Variants in SLC44A5 observed in about 807,000 individuals in gnomAD.
The protein encoded by SLC44A5 is solute carrier family 44 member 5.
SLC44A5 carries 57 observed loss-of-function variants against 101.8 expected under a neutral mutation model. That is an observed-to-expected ratio of 0.56 (90% confidence interval 0.45 to 0.70). The LOEUF (loss-of-function observed/expected upper bound fraction) is 0.70. Ranked by LOEUF, SLC44A5 falls within the 30% of genes least tolerant of loss-of-function variation. The probability of loss-of-function intolerance (pLI) is 0.00; values close to 1 mark genes in which losing one functional copy is unlikely to be tolerated. For missense variants in SLC44A5, 737 were observed against 853.1 expected, an observed-to-expected ratio of 0.86 and a Z score of 1.70; for synonymous variants, 281 against 290.9, an observed-to-expected ratio of 0.97 and a Z score of 0.35.
At chr1:75,632,837 C>A in the SLC44A5 span, among the ~76,000 whole-genome samples, 6 of 152,196 alleles carry the variant, frequency 3.9e-5, no homozygotes, top group African/African-American at 9.6e-5. Context: ...AAAATAAAAA[C>A]AACAATAATA....
chr1:75,421,916 C>T (rs901552477), intron 2 of SLC44A5, among the ~76,000 whole-genome samples: 4 of 150,604 alleles, frequency 2.7e-5, no homozygotes, highest in African/African-American at 9.8e-5. Flanking sequence ...GAAGTGTGGT[C>T]CATATATCAA....
At chr1:75,542,188 A>T (rs990852969) in intron 1 of SLC44A5, among the ~76,000 whole-genome samples, 40 of 152,188 alleles carry the variant, frequency 2.6e-4, no homozygotes, top group Non-Finnish European at 4.9e-4. Context: ...ATAATTTCAG[A>T]CTTACAGAAA....
intron 4 of SLC44A5, among the ~76,000 whole-genome samples, chr1:75,338,705 G>GT (rs564662406): frequency 7.8e-4 from 118 of 152,188 alleles, no homozygotes; most frequent in Non-Finnish European, 1.4e-3. Flanking sequence ...CAAATGACTT[G>GT]TTTTTTTACA....
the SLC44A5 span, among the ~76,000 whole-genome samples, chr1:75,692,996 T>A: frequency 6.6e-6 from 1 of 152,084 alleles, no homozygotes; most frequent in African/African-American, 2.4e-5. Flanking sequence ...AAAGGAATGA[T>A]TATAGTAATG....
chr1:75,702,660 G>A, the SLC44A5 span, among the ~76,000 whole-genome samples: 1 of 152,074 alleles, frequency 6.6e-6, no homozygotes, highest in Admixed American at 6.6e-5. Context: ...TTGACAAATG[G>A]GATCTAATTA....
At chr1:75,455,557 C>T (rs1666139691) in intron 2 of SLC44A5, among the ~76,000 whole-genome samples, 1 of 152,026 alleles carries the variant, frequency 6.6e-6, no homozygotes, top group Admixed American at 6.6e-5. Flanking sequence ...CCAAAAGATA[C>T]TATCAACAAG....
chr1:75,297,771 T>C (rs1654081050), intron 5 of SLC44A5, among the ~76,000 whole-genome samples: 1 of 152,228 alleles, frequency 6.6e-6, no homozygotes, highest in Non-Finnish European at 1.5e-5. Context: ...AAAGGTTAGT[T>C]TGATCTTTCA....
At chr1:75,457,517 T>C (rs1346232310) in intron 2 of SLC44A5, among the ~76,000 whole-genome samples, 1 of 152,128 alleles carries the variant, frequency 6.6e-6, no homozygotes, top group Non-Finnish European at 1.5e-5. Context: ...AACATCATCC[T>C]ATAAGCTCTC....
chr1:75,426,183 G>A (rs928442483), intron 2 of SLC44A5, among the ~76,000 whole-genome samples: 1 of 152,220 alleles, frequency 6.6e-6, no homozygotes, highest in African/African-American at 2.4e-5. Context: ...CAGGGGAGGA[G>A]AGGAACTAGG....
At chr1:75,496,429 A>T (rs1177872805) in intron 2 of SLC44A5, among the ~76,000 whole-genome samples, 18 of 152,108 alleles carry the variant, frequency 1.2e-4, no homozygotes, top group Admixed American at 3.3e-4. Context: ...ATGGAATTGG[A>T]CCCTTATCTT....
intron 3 of SLC44A5, among the ~76,000 whole-genome samples, chr1:75,341,452 A>G (rs1038607201): frequency 6.6e-5 from 10 of 152,072 alleles, no homozygotes; most frequent in Non-Finnish European, 1.2e-4. Flanking sequence ...ACTGTACTCC[A>G]GCTTGGGCGA....
rs1273290180 is a variant in SLC44A5 at position 75,444,431 on chromosome 1, AAGAC to A, written c.14-47814_14-47811del. Among the ~76,000 whole-genome samples, 796 of 150,426 alleles carry A rather than the reference AAGAC, an allele frequency of 5.3e-3. 11 individuals carry two copies. The highest frequency in any genetic ancestry group is 0.018 in the African/African-American group (751 of 40,990). On this transcript the variant is annotated intron_variant, in intron 2 of 23. Coordinates refer to ENST00000370859, the MANE Select transcript of SLC44A5 (RefSeq NM_001130058.2). ...AAAGAGAAAGAGAGAGAGAGAAAGA[AAGAC>A]AGAGAAAGAAAGAAAGAAAGAAAAA...
At chr1:75,206,667 G>T in intron 23 of SLC44A5, 1 of 1,613,236 alleles carries the variant, frequency 6.2e-7, no homozygotes, top group Non-Finnish European at 8.5e-7. Flanking sequence ...GCAGGTTAGG[G>T]GTTACGAAGT....
At chr1:75,302,083 G>A (rs1416512149) in intron 4 of SLC44A5, among the ~76,000 whole-genome samples, 1 of 91,332 alleles carries the variant, frequency 1.1e-5, no homozygotes, top group Admixed American at 1.3e-4. Context: ...ATAATAACAA[G>A]AGAAGAAAGC....
intron 3 of SLC44A5, among the ~76,000 whole-genome samples, chr1:75,354,387 G>A (rs1557694806): frequency 6.6e-6 from 1 of 152,188 alleles, no homozygotes; most frequent in Non-Finnish European, 1.5e-5. Context: ...CTGAGGCAGG[G>A]CTTACATATC....
At chr1:75,695,650 T>C in the SLC44A5 span, among the ~76,000 whole-genome samples, 1 of 150,416 alleles carries the variant, frequency 6.6e-6, no homozygotes, top group Non-Finnish European at 1.5e-5. Context: ...ATAAGGTATG[T>C]TGTCAGCAAA....
intron 1 of SLC44A5, among the ~76,000 whole-genome samples, chr1:75,541,798 G>A (rs1281172316): frequency 2.0e-5 from 3 of 151,738 alleles, no homozygotes; most frequent in Admixed American, 6.6e-5. Flanking sequence ...CACACTTCAC[G>A]TTCCCCCTGT....
At chr1:75,288,054 C>A (rs775339288) in intron 5 of SLC44A5, among the ~76,000 whole-genome samples, 7 of 152,126 alleles carry the variant, frequency 4.6e-5, no homozygotes, top group Non-Finnish European at 8.8e-5. Context: ...GAGGTTGTGT[C>A]CTTTGTCTTC....
In SLC44A5 at chr1:75,205,188, CAG is replaced by C. The variant is rs557067451; in HGVS notation, c.2048-1357_2048-1356del. 5 of 152,282 alleles carry C rather than the reference CAG, an allele frequency of 3.3e-5. No homozygotes were observed. In the South Asian group the frequency reaches 1.0e-3, roughly 32 times the overall value. The allele number at this position is 152,282 out of a possible 1,614,324, so 9.4% of individuals were successfully genotyped here. On this transcript the variant is annotated intron_variant, in intron 23 of 23. Coordinates refer to ENST00000370859, the MANE Select transcript of SLC44A5 (RefSeq NM_001130058.2). ...CTTATTGCTATTAATTAATCTGCCACAGAGTCAGTTTAAATCTAGGTGTCTAC... is the reference window on the plus strand; with the variant it reads ...CTTATTGCTATTAATTAATCTGCCACAGTCAGTTTAAATCTAGGTGTCTAC...
Sources: allele counts gnomAD v4.1 joint callset (sites outside exome capture counted in the v4.1 genomes callset), GRCh38; gene constraint gnomAD v4.1.1; transcripts MANE v1.5; gene names NCBI Gene and HGNC (gene_info 2026-07-23, HGNC 2026-07-21).